The following VDR variants were observed in gnomAD, a reference collection of about 807,000 sequenced individuals.
VDR encodes the protein vitamin D3 receptor.
In VDR, 19 loss-of-function variants were observed where a neutral mutation model predicts 39.7. The ratio of observed to expected loss-of-function variants is 0.48; its 90% CI spans 0.33 to 0.70. The LOEUF is 0.70. Ranked by LOEUF, VDR falls within the 30% of genes least tolerant of loss-of-function variation. VDR has a pLI of 0.02. For synonymous variants in VDR, 242 were observed against 215.8 expected (o/e 1.12, Z -1.07); for missense variants, 442 against 570.5 (o/e 0.77, Z 2.29).
rs11574112 is a variant in VDR, at chr12:47,845,567, A to C, written c.1025-562T>G. On this transcript the variant is annotated intron_variant, in intron 9 of 9. Coordinates refer to ENST00000549336, the MANE Select transcript of VDR (RefSeq NM_000376.3). ...TAACATTTGTTTAATGTTTCCTCCT[A>C]AGCTTCATGGGAGAGGAGCCTGTGT... Among the ~76,000 whole-genome samples the C allele has an allele frequency of 6.9e-3, 1,052 of 152,176 alleles. 18 individuals carry two copies. Among genetic ancestry groups the C allele is most frequent in the African/African-American group, 0.024 (1,005 of 41,506 alleles).
rs1419330987 is a variant in VDR at position 47,857,261 on chromosome 12, A to G, written c.463-12T>C. On this transcript the variant is annotated splice_polypyrimidine_tract_variant and intron_variant, in intron 5 of 9. Coordinates refer to ENST00000549336, the MANE Select transcript of VDR (RefSeq NM_000376.3). ...ACACGAACTGGAGGCTGGAAGGGAA[A>G]GATGGGGTCTCAGACCCACATTTTG... 6.2e-6 allele frequency: 10 copies of G among 1,614,042 alleles called. No individual in the cohort carries two copies. The Admixed American group carries it at 1.7e-4, about 27-fold the overall frequency.
At chr12:47,867,858 T>C (rs1945769498) in intron 3 of VDR, among the ~76,000 whole-genome samples, 1 of 152,124 alleles carries the variant, frequency 6.6e-6, no homozygotes, top group Non-Finnish European at 1.5e-5. Flanking sequence ...ATACATGGGG[T>C]TGAGGGGAAT....
At chr12:47,878,397 C>T (rs1326724535) in intron 3 of VDR, among the ~76,000 whole-genome samples, 1 of 152,128 alleles carries the variant, frequency 6.6e-6, no homozygotes, top group African/African-American at 2.4e-5. Flanking sequence ...AGAAACTGGC[C>T]CTGATCAAAC....
chr12:47,882,792 A>G lies in VDR; in HGVS notation c.-83-18T>C. 1 of 1,533,132 alleles carries G rather than the reference A, an allele frequency of 6.5e-7. No individual in the cohort carries two copies. Among genetic ancestry groups the G allele is most frequent in the East Asian group, 2.4e-5 (1 of 40,892 alleles). The allele number at this position is 1,533,132 out of a possible 1,614,324, so 95.0% of individuals were successfully genotyped here. ...AAAGGCTTCTGAAATGAAGAAGGGG[A>G]AACCTTTTATCTAAGGCGGAGCGCT... On this transcript the variant is annotated intron_variant, in intron 1 of 9. Coordinates refer to ENST00000549336, the MANE Select transcript of VDR (RefSeq NM_000376.3).
At chr12:47,880,853 T>C in intron 2 of VDR, among the ~76,000 whole-genome samples, 1 of 146,292 alleles carries the variant, frequency 6.8e-6, no homozygotes, top group East Asian at 2.0e-4. Flanking sequence ...AATATATAAA[T>C]ACATATTAAT....
intron 3 of VDR, among the ~76,000 whole-genome samples, chr12:47,868,673 G>A (rs775160100): frequency 2.1e-4 from 32 of 151,944 alleles, no homozygotes; most frequent in Non-Finnish European, 3.7e-4. Flanking sequence ...GGCTTCATCC[G>A]TCACCACAAA....
At chr12:47,862,743 C>T (rs1158153154) in intron 4 of VDR, among the ~76,000 whole-genome samples, 1 of 152,198 alleles carries the variant, frequency 6.6e-6, no homozygotes, top group East Asian at 1.9e-4. Context: ...GGACAAAACC[C>T]AGCCCAGATA....
chr12:47,873,373 TTTTTTTTG>T (rs1945928399), intron 3 of VDR, among the ~76,000 whole-genome samples: 1 of 89,988 alleles, frequency 1.1e-5, no homozygotes, highest in South Asian at 3.8e-4. Flanking sequence ...TTTTTTTTTT[TTTTTTTTG>T]AGACGGAGTC....
At chr12:47,864,884 G>T (rs1476024064) in intron 4 of VDR, among the ~76,000 whole-genome samples, 163 bp downstream of exon 4, 1 of 152,214 alleles carries the variant, frequency 6.6e-6, no homozygotes, top group Non-Finnish European at 1.5e-5. Context: ...ACTTCCAGCT[G>T]CCCTGTCACC....
rs544862755 is a variant in VDR, at chr12:47,872,790, G to A, written c.146+6178C>T. ...TTCCATGGTAGAGAAAAGGAAGAAA[G>A]GACCATCTGTCCTCAAAACTAAGAC... On this transcript the variant is annotated intron_variant, in intron 3 of 9. Transcript: ENST00000549336. 3.9e-5 allele frequency among the ~76,000 whole-genome samples: 6 copies of A among 152,296 alleles called. No homozygotes were observed. In the East Asian group the frequency reaches 5.8e-4, roughly 15 times the overall value.
At position 47,844,575 on chromosome 12, in the gene VDR, G is replaced by C. The variant is rs987084952; in HGVS notation, c.*171C>G. The C allele has an allele frequency of 5.8e-6, 5 of 862,530 alleles. No individual in the cohort carries two copies. The East Asian group carries it at 1.3e-4, about 23-fold the overall frequency. 53.4% of individuals were successfully genotyped at this position (862,530 alleles called of 1,614,324 possible). On this transcript the variant is annotated 3_prime_UTR_variant, in exon 10 of 10. Transcript: ENST00000549336. Reference sequence around the variant, plus strand: ...GGACCGGGGAAAAGCCCGCAGGAAAGGGGTTAGGTTGGACAGGAGAGAGAA... The same window carrying C: ...GGACCGGGGAAAAGCCCGCAGGAAACGGGTTAGGTTGGACAGGAGAGAGAA...
chr12:47,875,222 G>C (rs146285789), intron 3 of VDR, among the ~76,000 whole-genome samples: 3 of 152,306 alleles, frequency 2.0e-5, no homozygotes, highest in African/African-American at 7.2e-5. Context: ...CTAGCTCCTA[G>C]AGCAGTTTAG....
At chr12:47,859,903 T>C (rs559202685) in intron 4 of VDR, among the ~76,000 whole-genome samples, 25 of 43,738 alleles carry the variant, frequency 5.7e-4, no homozygotes, top group African/African-American at 3.2e-3. Flanking sequence ...CCTTCCTTCC[T>C]TCCTTCCTTC....
intron 7 of VDR, among the ~76,000 whole-genome samples, chr12:47,854,653 T>A (rs11574098): frequency 2.9e-4 from 44 of 152,212 alleles, no homozygotes; most frequent in African/African-American, 9.2e-4. Flanking sequence ...AACACAGCAG[T>A]GAGCTGGGAG....
intron 9 of VDR, 115 bp downstream of exon 9, chr12:47,846,220 G>T: frequency 1.2e-6 from 1 of 849,020 alleles, no homozygotes; most frequent in Non-Finnish European, 1.9e-6. Flanking sequence ...TTCCTTATCT[G>T]TGTCTCCTTT....
At position 47,892,717 on chromosome 12, in the gene VDR, G is replaced by C. The variant is rs373912885; in HGVS notation, c.-83-9943C>G. On this transcript the variant is annotated intron_variant, in intron 1 of 9. Coordinates refer to ENST00000549336, the MANE Select transcript of VDR (RefSeq NM_000376.3). Reference sequence around the variant, plus strand: ...GGAGCTTACAGTCTACCGCGGGTTGGGGGGTGGGGATGGGGGACAAACAGG... The same window carrying C: ...GGAGCTTACAGTCTACCGCGGGTTGCGGGGTGGGGATGGGGGACAAACAGG... 2.7e-3 allele frequency among the ~76,000 whole-genome samples: 409 copies of C among 152,288 alleles called. 1 individual carries two copies. The highest frequency in any genetic ancestry group is 8.0e-3 in the African/African-American group (334 of 41,570).
chr12:47,878,958 G>GA lies in VDR; in HGVS notation c.146+9dup, dbSNP rs748166237. ...CTTTCCACTGGGGAGAGCCTGGGAGGAGGGCTCACCTGAAGAAGCCTTTGC... is the reference window on the plus strand; with the variant it reads ...CTTTCCACTGGGGAGAGCCTGGGAGGAAGGGCTCACCTGAAGAAGCCTTTGC... On this transcript the variant is annotated intron_variant, in intron 3 of 9. Transcript: ENST00000549336. The GA allele has an allele frequency of 3.1e-4, 501 of 1,614,134 alleles. 3 individuals are homozygous for GA. In the Middle Eastern group the frequency reaches 6.3e-3, roughly 20 times the overall value.
At chr12:47,865,266 G>T (rs560913939) in intron 3 of VDR, 89 bp from the exon 4 acceptor site, 1 of 1,584,264 alleles carries the variant, frequency 6.3e-7, no homozygotes, top group African/African-American at 1.3e-5. Flanking sequence ...TGGGCCCCCT[G>T]GTCTCCATTT....
At chr12:47,892,884 C>T (rs987388054) in intron 1 of VDR, among the ~76,000 whole-genome samples, 7 of 152,176 alleles carry the variant, frequency 4.6e-5, no homozygotes, top group Admixed American at 3.9e-4. Flanking sequence ...AACCTCTCCA[C>T]GGAGACAGGA....
Sources: allele counts gnomAD v4.1 joint callset (sites outside exome capture counted in the v4.1 genomes callset), GRCh38; gene constraint gnomAD v4.1.1; transcripts MANE v1.5; gene names NCBI Gene and HGNC (gene_info 2026-07-23, HGNC 2026-07-21).